LRRC4B: variants seen among roughly 807,000 people sequenced by gnomAD.
LRRC4B encodes the protein leucine-rich repeat-containing protein 4B.
A neutral mutation model predicts 7.3 loss-of-function variants in LRRC4B; 1 was observed. The observed-to-expected ratio is 0.14, with a 90% CI of 0.05 to 0.65. LRRC4B has a LOEUF of 0.65. LRRC4B is among the 30% of genes least tolerant of loss of function. The probability of loss-of-function intolerance (pLI) is 0.84; values close to 1 mark genes in which losing one functional copy is unlikely to be tolerated. For missense variants in LRRC4B, 730 were observed against 1,041.6 expected, an observed-to-expected ratio of 0.70 and a Z score of 4.12; for synonymous variants, 500 against 499.2, an observed-to-expected ratio of 1.00 and a Z score of -0.02.
rs1980469291 is a variant in LRRC4B, at chr19:50,519,730, A to G, written c.298-315T>C. On this transcript the variant is annotated intron_variant, in intron 2 of 2. Transcript: ENST00000652263. The surrounding 1 kb of genome is among the most constrained non-coding windows in gnomAD (Gnocchi z 8.1). ...TGTCTCTACTAAAAATACAAAAATT[A>G]GCCAGGTGTGGTGGTGCGTGTAATC... Among the ~76,000 whole-genome samples, 1 of 152,028 alleles carries G rather than the reference A, an allele frequency of 6.6e-6. No homozygotes were observed. The highest frequency in any genetic ancestry group is 2.1e-4 in the South Asian group (1 of 4,814).
rs1980655232 is a variant in LRRC4B, at chr19:50,523,158, C to T, written c.298-3743G>A. 2.6e-5 allele frequency among the ~76,000 whole-genome samples: 4 copies of T among 152,206 alleles called. 1 individual carries two copies. The South Asian group carries it at 8.3e-4, about 31-fold the overall frequency. On this transcript the variant is annotated intron_variant, in intron 2 of 2. Coordinates refer to ENST00000652263, the MANE Select transcript of LRRC4B (RefSeq NM_001080457.2). ...GGGAGGCAGGAGCTCACAGGGTCCT[C>T]ACTACTGATGACCACGCCGGGTGCA...
chr19:50,523,614 GA>G (rs1383329800), intron 2 of LRRC4B, among the ~76,000 whole-genome samples: 1 of 150,354 alleles, frequency 6.7e-6, no homozygotes, highest in Non-Finnish European at 1.5e-5. Context: ...AGTGAGCCGA[GA>G]TCGCGCCACT....
At chr19:50,520,522 T>G (rs537068303) in intron 2 of LRRC4B, among the ~76,000 whole-genome samples, 10 of 150,618 alleles carry the variant, frequency 6.6e-5, no homozygotes, top group African/African-American at 2.4e-4. Flanking sequence ...CCCAGCTACT[T>G]GGGAGGCTGA....
Position 50,567,821 on chromosome 19 carries a change from C to A in LRRC4B, c.-36+123G>T, listed in dbSNP as rs10415908. ...GGCCCCGCCCCCTGTCCTCTGCCATCCCCCCCCATCCCGGAGGAGGCCTAA... is the reference window on the plus strand; with the variant it reads ...GGCCCCGCCCCCTGTCCTCTGCCATACCCCCCCATCCCGGAGGAGGCCTAA... On this transcript the variant is annotated intron_variant, in intron 1 of 2. Transcript: ENST00000652263. The A allele has an allele frequency of 2.4e-3, 192 of 81,384 alleles. 2 individuals carry two copies. The highest frequency in any genetic ancestry group is 0.02 in the Admixed American group (176 of 8,692). 5.0% of individuals were successfully genotyped at this position (81,384 alleles called of 1,614,324 possible). A position where few individuals can be genotyped will look rare whatever the true frequency, so the allele number is the denominator to read the frequency against.
rs1027502394 is a variant in LRRC4B at position 50,553,883 on chromosome 19, C to T, written c.-35-5010G>A. On this transcript the variant is annotated intron_variant, in intron 1 of 2. Coordinates refer to ENST00000652263, the MANE Select transcript of LRRC4B (RefSeq NM_001080457.2). The surrounding 1 kb of genome is among the most constrained non-coding windows in gnomAD (Gnocchi z 4.2). ...TACCCCCACTCTCCGTTCTGCACAC[C>T]GAGCCAGGCCGCACTGCAATAGCTG... is the stretch of plus-strand genomic sequence containing the variant. 3.9e-5 allele frequency among the ~76,000 whole-genome samples: 6 copies of T among 151,948 alleles called. No homozygotes were observed. The highest frequency in any genetic ancestry group is 6.6e-5 in the Admixed American group (1 of 15,252).
At chr19:50,551,578 G>A (rs1302502850) in intron 1 of LRRC4B, among the ~76,000 whole-genome samples, 1 of 106,262 alleles carries the variant, frequency 9.4e-6, no homozygotes, top group Non-Finnish European at 1.8e-5. Context: ...TCTGGTCCCC[G>A]TCCACCTCCT....
intron 1 of LRRC4B, among the ~76,000 whole-genome samples, chr19:50,562,389 A>T (rs1417423721): frequency 6.6e-6 from 1 of 151,906 alleles, no homozygotes; most frequent in Non-Finnish European, 1.5e-5. Flanking sequence ...CCTGAGGAAT[A>T]CACGGAAAAA....
At position 50,552,683 on chromosome 19, in the gene LRRC4B, T is replaced by TCCATCCATCCATCCATCCATCCATCCAC. The variant is rs377729910; in HGVS notation, c.-35-3811_-35-3810insGTGGATGGATGGATGGATGGATGGATGG. ...ATCCATCCATCCATCCATCCATCCA[T>TCCATCCATCCATCCATCCATCCATCCAC]CCATCCGTCCATCCATCCGCCCATC... is the stretch of plus-strand genomic sequence containing the variant. On this transcript the variant is annotated intron_variant, in intron 1 of 2. Transcript: ENST00000652263. Among the ~76,000 whole-genome samples, 123 of 121,408 alleles carry TCCATCCATCCATCCATCCATCCATCCAC rather than the reference T, an allele frequency of 1.0e-3. 1 individual carries two copies. The highest frequency in any genetic ancestry group is 3.9e-3 in the Middle Eastern group (1 of 254). The allele number at this position is 121,408 out of a possible 152,430, so 79.6% of individuals were successfully genotyped here.
chr19:50,566,680 A>G (rs536514939), intron 1 of LRRC4B, among the ~76,000 whole-genome samples: 1 of 151,656 alleles, frequency 6.6e-6, no homozygotes, highest in South Asian at 2.1e-4. Flanking sequence ...AGGCAGGGGC[A>G]TAGAGATGGG....
intron 2 of LRRC4B, among the ~76,000 whole-genome samples, chr19:50,535,961 C>A (rs1408273747): frequency 6.6e-6 from 1 of 152,230 alleles, no homozygotes; most frequent in Non-Finnish European, 1.5e-5. Context: ...CCAAGCAAGG[C>A]AGCAGGACTT....
intron 1 of LRRC4B, among the ~76,000 whole-genome samples, chr19:50,552,620 C>T (rs777223726): frequency 0.12 from 14,472 of 122,052 alleles, 926 homozygotes; most frequent in Middle Eastern, 0.18. Context: ...ATCCATCCAT[C>T]CATCCATTCA....
Position 50,563,483 on chromosome 19 carries a change from G to A in LRRC4B, c.-36+4461C>T, listed in dbSNP as rs1023796532. On this transcript the variant is annotated intron_variant, in intron 1 of 2. Transcript: ENST00000652263. This position sits in a 1 kb window ranked among gnomAD's most constrained non-coding sequence, Gnocchi z 4.9. ...GGAGGGGATGCTGCTGGGCTTGAGC[G>A]CTGCCAGGCACAGAGGGGAGCCCTG... Among the ~76,000 whole-genome samples the A allele has an allele frequency of 2.0e-5, 3 of 152,200 alleles. No homozygotes were observed. Among genetic ancestry groups the A allele is most frequent in the African/African-American group, 4.8e-5 (2 of 41,456 alleles).
In LRRC4B at chr19:50,548,099, G is replaced by A. The variant is rs572239295; in HGVS notation, c.297+443C>T. On this transcript the variant is annotated intron_variant, in intron 2 of 2. Transcript: ENST00000652263. The surrounding 1 kb of genome is among the most constrained non-coding windows in gnomAD (Gnocchi z 6.8). ...CTCACAGCAACACCTCAACGCAGGG[G>A]CTTGCATTGTCCCCGCTTTTCAGAT... 2.6e-5 allele frequency among the ~76,000 whole-genome samples: 4 copies of A among 152,328 alleles called. No homozygotes were observed. In the South Asian group the frequency reaches 8.3e-4, roughly 32 times the overall value.
intron 2 of LRRC4B, among the ~76,000 whole-genome samples, chr19:50,532,799 C>T (rs140629483): frequency 2.0e-5 from 3 of 152,312 alleles, no homozygotes; most frequent in Non-Finnish European, 4.4e-5. Context: ...TGACAGACTT[C>T]GGCCAAGGTC....
At position 50,559,872 on chromosome 19, in the gene LRRC4B, G is replaced by T. The variant is rs993683210; in HGVS notation, c.-36+8072C>A. ...ATTCTGGCCGGGCGCAGTGGCTCAC[G>T]CCTGTAATCCCAGCACTCTGGGAGG... is the stretch of plus-strand genomic sequence containing the variant. On this transcript the variant is annotated intron_variant, in intron 1 of 2. Transcript: ENST00000652263. Among the ~76,000 whole-genome samples the T allele has an allele frequency of 3.9e-5, 6 of 152,354 alleles. 1 individual carries two copies. The highest frequency in any genetic ancestry group is 1.4e-4 in the African/African-American group (6 of 41,584).
intron 2 of LRRC4B, among the ~76,000 whole-genome samples, chr19:50,522,161 G>C (rs1980609526): frequency 6.6e-6 from 1 of 152,148 alleles, no homozygotes; most frequent in South Asian, 2.1e-4. Context: ...CTGCGTGACA[G>C]AGGGAGATCC....
At chr19:50,540,922 G>A (rs1472508380) in intron 2 of LRRC4B, among the ~76,000 whole-genome samples, 3 of 151,822 alleles carry the variant, frequency 2.0e-5, no homozygotes, top group Non-Finnish European at 2.9e-5. Context: ...GGTGGCTCAC[G>A]CCTGTAATCC....
chr19:50,545,580 C>G (rs564587097), intron 2 of LRRC4B, among the ~76,000 whole-genome samples: 1 of 151,764 alleles, frequency 6.6e-6, no homozygotes, highest in Non-Finnish European at 1.5e-5. Context: ...GACCCTGTCT[C>G]TAAAAATGAA....
intron 1 of LRRC4B, among the ~76,000 whole-genome samples, chr19:50,558,969 G>A (rs968929902): frequency 2.0e-5 from 3 of 152,232 alleles, no homozygotes; most frequent in South Asian, 4.1e-4. Context: ...CCTGCGCTGC[G>A]GGAGCTGCCT....
Sources: allele counts gnomAD v4.1 joint callset (sites outside exome capture counted in the v4.1 genomes callset), GRCh38; gene constraint gnomAD v4.1.1; non-coding constraint Gnocchi (gnomAD v3.1); transcripts MANE v1.5; gene names NCBI Gene and HGNC (gene_info 2026-07-23, HGNC 2026-07-21).